SLC49A3: variants seen among roughly 807,000 people sequenced by gnomAD.
SLC49A3 encodes solute carrier family 49 member A3.
SLC49A3 carries 50 observed loss-of-function variants against 43.8 expected under a neutral mutation model. The ratio of observed to expected loss-of-function variants is 1.14; its 90% CI spans 0.91 to 1.45. SLC49A3 has a LOEUF of 1.45. Among genes scored for constraint, SLC49A3 ranks in the 40% most tolerant of loss-of-function variants. The pLI is 0.00. For missense variants in SLC49A3, 906 were observed against 774.1 expected (o/e 1.17, Z -2.02); for synonymous variants, 413 against 352.0 (o/e 1.17, Z -1.94).
In SLC49A3 at chr4:684,553, C is replaced by G. The variant is rs139281564; in HGVS notation, c.770G>C (p.Gly257Ala). The G allele has an allele frequency of 1.9e-6, 3 of 1,612,990 alleles. No homozygotes were observed. The highest frequency in any genetic ancestry group is 3.3e-5 in the Admixed American group (2 of 59,982). ...AYVILAVCLG[G>A]MIGISASFSA... ...GAAGCTGGCAGAGATCCCGATCATT[C>G]CCCCCAAGCACACAGCCAGGATGAC... Residue 257 changes from glycine to alanine, a missense_variant, in exon 6 of 10, where the codon GGA becomes GCA. Transcript: ENST00000322224.
chr4:690,235 T>C (rs1174487391), upstream of SLC49A3, among the ~76,000 whole-genome samples: 1 of 148,926 alleles, frequency 6.7e-6, no homozygotes, highest in Non-Finnish European at 1.5e-5. Context: ...TTTTGTAGAG[T>C]CTCATCCAGT....
rs777121767 is a variant in SLC49A3 at position 684,837 on chromosome 4, G to A, written c.605C>T (p.Pro202Leu). ...GGACAGCAGGCAGACGACGCCAGCAGGGATGGTATAGACACCGAGCTGGGG... is the reference window on the plus strand; with the variant it reads ...GGACAGCAGGCAGACGACGCCAGCAAGGATGGTATAGACACCGAGCTGGGG... ...IPLMLGVYTI[P>L]AGVVCLLSTI... Residue 202 changes from proline (P) to leucine (L), a missense_variant, in exon 5 of 10, where the codon CCT becomes CTT. Physicochemically the swap from Pro to Leu is moderately conservative, Grantham distance 98. Coordinates refer to ENST00000322224, the MANE Select transcript of SLC49A3 (RefSeq NM_032219.4). 4 of 1,612,288 alleles carry A rather than the reference G, an allele frequency of 2.5e-6. No homozygotes were observed. In the African/African-American group the frequency reaches 5.3e-5, roughly 22 times the overall value.
upstream of SLC49A3, among the ~76,000 whole-genome samples, chr4:691,021 T>A (rs958234755): frequency 6.6e-6 from 1 of 152,256 alleles, no homozygotes; most frequent in African/African-American, 2.4e-5. Context: ...GTGCGGTGGC[T>A]CACGCCTGTA....
At chr4:682,914 C>G (rs111715198) in intron 8 of SLC49A3, 24 bp from the exon 9 acceptor site, 2 of 1,544,952 alleles carry the variant, frequency 1.3e-6, no homozygotes, top group Non-Finnish European at 8.8e-7. Context: ...GCCCTCAGCC[C>G]CCGCTGCACT....
downstream of SLC49A3, chr4:680,932 T>C: frequency 1.3e-6 from 1 of 784,846 alleles, no homozygotes; most frequent in South Asian, 1.6e-5. Context: ...GGCCCCTGAG[T>C]GTGTGTTGGG....
At position 682,335 on chromosome 4, in the gene SLC49A3, A is replaced by G. The variant is rs559803829; in HGVS notation, c.1303T>C (p.Cys435Arg). The G allele has an allele frequency of 1.5e-6, 2 of 1,348,308 alleles. No individual in the cohort carries two copies. The highest frequency in any genetic ancestry group is 1.5e-5 in the African/African-American group (1 of 66,708). 83.5% of individuals were successfully genotyped at this position (1,348,308 alleles called of 1,614,324 possible). ...LMAGLCTFFSCILAVFFHTPY... is the reference protein window; with the variant it reads ...LMAGLCTFFSRILAVFFHTPY... ...GTGTGGAAGAAGACCGCCAGGATGC[A>G]GCTGAAGAAGGTGCACAGGCCGGCC... The change falls in exon 10 of 10, where the codon TGC becomes CGC. Residue 435 changes from cysteine to arginine, a missense_variant. Coordinates refer to ENST00000322224, the MANE Select transcript of SLC49A3 (RefSeq NM_032219.4).
At position 683,602 on chromosome 4, in the gene SLC49A3, C is replaced by A. The variant is rs1208613663; in HGVS notation, c.993+7G>T. On this transcript the variant is annotated splice_region_variant and intron_variant, in intron 7 of 9. Transcript: ENST00000322224. ...ACAGGGCAGTCTTGGCTTGAGGAGA[C>A]CCTCACCAGGGCAAAGGGCACGCAG... 1.2e-6 allele frequency: 2 copies of A among 1,605,302 alleles called. No homozygotes were observed. The highest frequency in any genetic ancestry group is 1.7e-6 in the Non-Finnish European group (2 of 1,176,172).
chr4:683,567 A>AC, intron 7 of SLC49A3, 42 bp downstream of exon 7: 1 of 1,006,726 alleles, frequency 9.9e-7, no homozygotes, highest in Non-Finnish European at 1.4e-6. Context: ...CTCACCACCC[A>AC]CCCACCCCCA....
rs997955402 is a variant in SLC49A3 at position 686,252 on chromosome 4, C to T, written c.345G>A (p.Val115=). The stretch of plus-strand genomic sequence containing the variant: ...TTTGGGTCCCAACAACCATGCAGGG[C>T]ACCATGCGTAGCACACTCCCGGCAA... ...LNFAGSVLRM[V]PCMVVGTQNP... is the part of the protein sequence containing the mutation. The change falls in exon 3 of 10, where the codon GTG becomes GTA. Residue 115 remains valine, a synonymous_variant. Transcript: ENST00000322224. 1 of 1,613,524 alleles carries T rather than the reference C, an allele frequency of 6.2e-7. No homozygotes were observed. Among genetic ancestry groups the T allele is most frequent in the Admixed American group, 1.7e-5 (1 of 60,034 alleles).
Position 689,058 on chromosome 4 carries a change from G to A in SLC49A3, c.70C>T (p.Arg24Cys), listed in dbSNP as rs550201509. The A allele has an allele frequency of 2.8e-5, 44 of 1,579,834 alleles. No individual in the cohort carries two copies. In the African/African-American group the frequency reaches 3.2e-4, roughly 11 times the overall value. ...PRALCAQRGHRTYARRWVFLL... is the reference protein window; with the variant it reads ...PRALCAQRGHCTYARRWVFLL... ...AACACCCAGCGGCGCGCGTAGGTGC[G>A]GTGGCCCCGCTGCGCGCACAGGGCC... is the stretch of plus-strand genomic sequence containing the variant. Residue 24 changes from arginine (R) to cysteine (C), a missense_variant, in exon 1 of 10, where the codon CGC (arginine) becomes TGC (cysteine). Physicochemically the swap from Arg to Cys is radical, Grantham distance 180. Transcript: ENST00000322224.
downstream of SLC49A3, chr4:680,378 A>G: frequency 1.0e-6 from 1 of 975,862 alleles, no homozygotes; most frequent in Non-Finnish European, 1.6e-6. Flanking sequence ...CTTCAGGCAG[A>G]GGCCACCTTG....
At chr4:678,355 A>G (rs1283953515), downstream of SLC49A3, 3 of 1,414,374 alleles carry the variant, frequency 2.1e-6, no homozygotes, top group African/African-American at 2.9e-5. Context: ...TTGCCCCTCA[A>G]GCCTTCAGAG....
In SLC49A3 at chr4:685,468, G is replaced by A. The variant is rs1740810779; in HGVS notation, c.585+367C>T. 2.0e-5 allele frequency among the ~76,000 whole-genome samples: 3 copies of A among 152,030 alleles called. No homozygotes were observed. Among genetic ancestry groups the A allele is most frequent in the African/African-American group, 7.2e-5 (3 of 41,380 alleles). ...TCATCCTAGCACTTTGGGAAGCCGA[G>A]GCAGACGGATCATGAGGTCAGGAGT... On this transcript the variant is annotated intron_variant, in intron 4 of 9. Transcript: ENST00000322224. The surrounding 1 kb of genome is among the most constrained non-coding windows in gnomAD (Gnocchi z 4.3).
rs1488024247 is a variant in SLC49A3 at position 684,516 on chromosome 4, C to A, written c.807G>T (p.Leu269=). 1 of 1,613,196 alleles carries A rather than the reference C, an allele frequency of 6.2e-7. No homozygotes were observed. Among genetic ancestry groups the A allele is most frequent in the Admixed American group, 1.7e-5 (1 of 60,010 alleles). Residue 269 remains leucine, a synonymous_variant, in exon 6 of 10, where the codon CTG becomes CTT. Coordinates refer to ENST00000322224, the MANE Select transcript of SLC49A3 (RefSeq NM_032219.4). ...GGCCGCTTGCACAGAGGATCTGCTC[C>A]AGGAGGGCTGAGAAGCTGGCAGAGA... ...IGISASFSAL[L]EQILCASGHS... is the part of the protein sequence containing the mutation.
rs115060456 is a variant in SLC49A3, at chr4:682,356, C to T, written c.1282G>A (p.Gly428Ser). Reference protein sequence around the residue: ...DWTVSLLLMAGLCTFFSCILA... With the variant: ...DWTVSLLLMASLCTFFSCILA... ...ATGCAGCTGAAGAAGGTGCACAGGCCGGCCATCAGCAGCAGAGACACTGGG... is the reference window on the plus strand; with the variant it reads ...ATGCAGCTGAAGAAGGTGCACAGGCTGGCCATCAGCAGCAGAGACACTGGG... The change falls in exon 10 of 10, where the codon GGC (glycine) becomes AGC (serine). Residue 428 changes from glycine to serine, a missense_variant. By Grantham distance (56) the Gly-to-Ser change is moderately conservative (BLOSUM62 0). Coordinates refer to ENST00000322224, the MANE Select transcript of SLC49A3 (RefSeq NM_032219.4). 59 of 1,339,628 alleles carry T rather than the reference C, an allele frequency of 4.4e-5. No individual in the cohort carries two copies. Among genetic ancestry groups the T allele is most frequent in the African/African-American group, 2.4e-4 (16 of 66,658 alleles). The allele number at this position is 1,339,628 out of a possible 1,614,324, so 83.0% of individuals were successfully genotyped here.
downstream of SLC49A3, chr4:680,555 C>T (rs751957458): frequency 3.1e-6 from 5 of 1,613,530 alleles, no homozygotes; most frequent in East Asian, 6.7e-5. Flanking sequence ...AGATGCTGGA[C>T]CCGGACGGGA....
chr4:678,645 G>A (rs745634556), downstream of SLC49A3: 2 of 1,596,940 alleles, frequency 1.3e-6, no homozygotes, highest in Non-Finnish European at 1.7e-6. Context: ...CAGCCATGGT[G>A]CTCCCACCGC....
chr4:689,928 C>G (rs1334783061), upstream of SLC49A3, among the ~76,000 whole-genome samples: 1 of 152,262 alleles, frequency 6.6e-6, no homozygotes, highest in Non-Finnish European at 1.5e-5. Context: ...CAAGAGGCTC[C>G]AGGCCCTGTT....
At chr4:680,945 G>C, downstream of SLC49A3, 1 of 896,236 alleles carries the variant, frequency 1.1e-6, no homozygotes, top group Non-Finnish European at 1.7e-6. Flanking sequence ...GTGTTGGGAA[G>C]GGACCTGCCC....
Sources: allele counts gnomAD v4.1 joint callset (sites outside exome capture counted in the v4.1 genomes callset), GRCh38; gene constraint gnomAD v4.1.1; non-coding constraint Gnocchi (gnomAD v3.1); transcripts MANE v1.5; gene names NCBI Gene and HGNC (gene_info 2026-07-23, HGNC 2026-07-21).